The following METTL8 variants were observed in gnomAD, a reference collection of about 807,000 sequenced individuals.
The protein encoded by METTL8 is tRNA N(3)-cytidine methyltransferase METTL8, mitochondrial.
Under a neutral mutation model 48.7 loss-of-function variants are expected in METTL8, and 32 were observed. The ratio of observed to expected loss-of-function variants is 0.66; its 90% confidence interval spans 0.50 to 0.88. METTL8 has a LOEUF of 0.88. Ranked by LOEUF, METTL8 falls within the 40% of genes least tolerant of loss-of-function variation. The pLI, the probability that METTL8 is intolerant of heterozygous loss-of-function variation, is 0.00. For missense variants in METTL8, 464 were observed against 474.4 expected (o/e 0.98, Z 0.20); for synonymous variants, 136 against 157.1 (o/e 0.87, Z 1.01).
chr2:171,358,472 G>A (rs772221854), intron 3 of METTL8, among the ~76,000 whole-genome samples: 1 of 152,012 alleles, frequency 6.6e-6, no homozygotes, highest in Non-Finnish European at 1.5e-5. Flanking sequence ...CACATTGACT[G>A]ATGGAAGAGA....
intron 1 of METTL8, among the ~76,000 whole-genome samples, chr2:171,423,625 G>C (rs952509452): frequency 6.6e-6 from 1 of 152,194 alleles, no homozygotes; most frequent in Non-Finnish European, 1.5e-5. Flanking sequence ...AAAGATACTG[G>C]AGGCATTTTG....
At chr2:171,430,224 G>T (rs1692852664) in intron 1 of METTL8, among the ~76,000 whole-genome samples, 1 of 151,806 alleles carries the variant, frequency 6.6e-6, no homozygotes, top group Non-Finnish European at 1.5e-5. Flanking sequence ...CAGGGATGGT[G>T]GTGTGCGCCT....
chr2:171,339,418 CT>C lies in METTL8; in HGVS notation c.371del (p.Lys124ArgfsTer10). 2 of 1,613,624 alleles carry C rather than the reference CT, an allele frequency of 1.2e-6. No individual in the cohort carries two copies. The highest frequency in any genetic ancestry group is 1.7e-6 in the Non-Finnish European group (2 of 1,179,758). ...ILPVDQKPEE[K>X]ARESSWDHVK... The stretch of plus-strand genomic sequence containing the variant: ...CATGATCCCATGATGATTCTCTCGC[CT>C]TCTCTTCAGGTTTTTGATCAACTGG... On this transcript the variant is annotated frameshift_variant, in exon 4 of 10. Coordinates refer to ENST00000375258, the MANE Select transcript of METTL8 (RefSeq NM_001321154.2). LOFTEE classifies it high-confidence loss of function.
At chr2:171,374,818 T>C in intron 2 of METTL8, 1 of 670,468 alleles carries the variant, frequency 1.5e-6, no homozygotes, top group East Asian at 2.7e-5. Context: ...CCATGTTGTA[T>C]ATGTTTAACA....
At chr2:171,344,191 A>AT (rs929607478) in intron 3 of METTL8, among the ~76,000 whole-genome samples, 6 of 152,198 alleles carry the variant, frequency 3.9e-5, no homozygotes, top group African/African-American at 7.2e-5. Flanking sequence ...CTTTACTTGG[A>AT]TTTTTCCCCC....
intron 3 of METTL8, among the ~76,000 whole-genome samples, chr2:171,358,219 T>C (rs1684790615): frequency 6.6e-6 from 1 of 151,758 alleles, no homozygotes; most frequent in African/African-American, 2.4e-5. Context: ...GGTGTGGTGG[T>C]GGGCACCTGT....
At chr2:171,356,712 A>G (rs1684578274) in intron 3 of METTL8, among the ~76,000 whole-genome samples, 1 of 152,052 alleles carries the variant, frequency 6.6e-6, no homozygotes. Context: ...CATTTCCTCC[A>G]TGTTGCTGCA....
At chr2:171,399,898 G>A (rs1468144290) in intron 1 of METTL8, among the ~76,000 whole-genome samples, 4 of 152,042 alleles carry the variant, frequency 2.6e-5, no homozygotes, top group Non-Finnish European at 5.9e-5. Flanking sequence ...CAGCACTTTT[G>A]GAGGCTGAGG....
At position 171,383,431 on chromosome 2, in the gene METTL8, G is replaced by A. The variant is rs147839407; in HGVS notation, c.143+8612C>T. On this transcript the variant is annotated intron_variant, in intron 2 of 9. Coordinates refer to ENST00000375258, the MANE Select transcript of METTL8 (RefSeq NM_001321154.2). ...CCCTTGAATAAAGAAATAGAAACAG[G>A]GTAGAATAAAATAAATGGAAAATAC... is the stretch of plus-strand genomic sequence containing the variant. 1.4e-3 allele frequency among the ~76,000 whole-genome samples: 213 copies of A among 151,824 alleles called. 4 individuals carry two copies. The East Asian group carries it at 0.015, about 10-fold the overall frequency.
At chr2:171,415,749 C>T (rs1208849661) in intron 1 of METTL8, among the ~76,000 whole-genome samples, 2 of 152,126 alleles carry the variant, frequency 1.3e-5, no homozygotes, top group Admixed American at 6.5e-5. Flanking sequence ...ATATAATACT[C>T]ATGAGTAGAG....
upstream of METTL8, chr2:171,434,541 G>GGCGGCCCAGCCTACCCAGGGC: frequency 2.0e-6 from 3 of 1,523,616 alleles, no homozygotes; most frequent in Non-Finnish European, 2.6e-6. Flanking sequence ...CGCGCCACTC[G>GGCGGCCCAGCCTACCCAGGGC]GCGGCCCAGC....
chr2:171,362,578 T>A, intron 2 of METTL8, among the ~76,000 whole-genome samples: 1 of 148,440 alleles, frequency 6.7e-6, no homozygotes, highest in Admixed American at 6.7e-5. Flanking sequence ...AATAAATAAA[T>A]AAATAAATAA....
chr2:171,367,191 A>T (rs1685819870), intron 2 of METTL8, among the ~76,000 whole-genome samples: 1 of 152,186 alleles, frequency 6.6e-6, no homozygotes, highest in African/African-American at 2.4e-5. Flanking sequence ...AATACTCAAT[A>T]GATCCAGGCA....
intron 5 of METTL8, among the ~76,000 whole-genome samples, chr2:171,333,252 C>A (rs902125536): frequency 2.6e-5 from 4 of 152,044 alleles, no homozygotes; most frequent in Non-Finnish European, 5.9e-5. Flanking sequence ...GCATGTGCTA[C>A]CACGGCCGGC....
chr2:171,338,406 G>A (rs1178210782), intron 4 of METTL8, among the ~76,000 whole-genome samples: 3 of 152,154 alleles, frequency 2.0e-5, no homozygotes, highest in Non-Finnish European at 4.4e-5. Flanking sequence ...AGGAGGCTGA[G>A]GCGGGCGGAT....
chr2:171,380,200 C>T (rs1003121741), intron 2 of METTL8, among the ~76,000 whole-genome samples: 1 of 152,148 alleles, frequency 6.6e-6, no homozygotes, highest in East Asian at 1.9e-4. Flanking sequence ...ATTCAACATC[C>T]CTTCATGTTA....
At chr2:171,343,804 G>A (rs866491040) in intron 3 of METTL8, among the ~76,000 whole-genome samples, 3 of 152,280 alleles carry the variant, frequency 2.0e-5, no homozygotes, top group Middle Eastern at 6.8e-3. Flanking sequence ...TGAATTTATG[G>A]AGAACATTAA....
upstream of METTL8, chr2:171,434,470 G>A (rs993244003): frequency 2.0e-6 from 3 of 1,512,222 alleles, no homozygotes; most frequent in Non-Finnish European, 2.7e-6. Flanking sequence ...GGGCCCCGCC[G>A]GGAAAGTCTG....
chr2:171,360,378 C>A, intron 3 of METTL8, 44 bp downstream of exon 3: 1 of 1,549,352 alleles, frequency 6.5e-7, no homozygotes, highest in South Asian at 1.1e-5. Context: ...GAGGAAAAGT[C>A]ACTAAAGCTC....
Sources: gnomAD v4.1 joint callset for allele counts (sites outside exome capture counted in the v4.1 genomes callset) on GRCh38, gnomAD v4.1.1 for gene constraint, MANE v1.5 for transcripts, NCBI Gene and HGNC (gene_info 2026-07-23, HGNC 2026-07-21) for gene names.